The following ANK3 variants were observed in gnomAD, a reference collection of about 807,000 sequenced individuals.
ANK3 encodes the protein ankyrin 3, also known as ankyrin-3.
A neutral mutation model predicts 370.9 loss-of-function variants in ANK3; 57 were observed. That is an observed-to-expected ratio of 0.15 (90% confidence interval 0.12 to 0.19). The LOEUF (loss-of-function observed/expected upper bound fraction) is 0.19. Among genes scored for constraint, ANK3 ranks in the 10% least tolerant of loss-of-function variants. ANK3 has a pLI of 1.00. For synonymous variants in ANK3, 1,929 were observed against 1,946.3 expected (o/e 0.99, Z 0.23); for missense variants, 4,439 against 5,302.1 (o/e 0.84, Z 5.06).
chr10:60,428,103 G>A (rs1367591830), intron 2 of ANK3, among the ~76,000 whole-genome samples: 2 of 152,092 alleles, frequency 1.3e-5, no homozygotes, highest in East Asian at 1.9e-4. Context: ...AATTCTGAAA[G>A]GTTAATTAAA....
intron 10 of ANK3, 107 bp downstream of exon 10, chr10:60,207,929 A>G (rs1186801797): frequency 2.5e-5 from 25 of 987,964 alleles, no homozygotes; most frequent in Non-Finnish European, 3.9e-5. Flanking sequence ...AGTACACTTT[A>G]ACTAGCACCT....
chr10:60,312,232 C>T (rs1239281075), intron 1 of ANK3, among the ~76,000 whole-genome samples: 4 of 151,982 alleles, frequency 2.6e-5, no homozygotes, highest in Admixed American at 6.6e-5. Context: ...GAGAAGAAAA[C>T]CAACAATTAC....
intron 18 of ANK3, among the ~76,000 whole-genome samples, chr10:60,175,677 C>T (rs1419614113): frequency 6.6e-6 from 1 of 152,218 alleles, no homozygotes; most frequent in Non-Finnish European, 1.5e-5. Context: ...TAGATGTTTA[C>T]ATCCATTCAC....
chr10:60,489,319 G>C (rs1178610535), intron 2 of ANK3, among the ~76,000 whole-genome samples: 2 of 152,094 alleles, frequency 1.3e-5, no homozygotes, highest in African/African-American at 4.8e-5. Context: ...CAGGAGCCAA[G>C]ACTAATACAC....
intron 2 of ANK3, among the ~76,000 whole-genome samples, chr10:60,477,129 T>C (rs897553713): frequency 2.0e-5 from 3 of 152,130 alleles, no homozygotes; most frequent in Non-Finnish European, 2.9e-5. Context: ...TTATTTTAAT[T>C]TCAAGAAGTG....
chr10:60,142,459 A>G (rs1022097248), intron 23 of ANK3, among the ~76,000 whole-genome samples: 2 of 152,098 alleles, frequency 1.3e-5, no homozygotes, highest in Non-Finnish European at 2.9e-5. Flanking sequence ...GGCCAGGTAT[A>G]TTGGAAGTTC....
chr10:60,311,494 A>G (rs998955303), intron 1 of ANK3, among the ~76,000 whole-genome samples: 233 of 143,092 alleles, frequency 1.6e-3, no homozygotes, highest in Non-Finnish European at 1.8e-3. Flanking sequence ...AAAAAAAAAA[A>G]AGAGAGAGAG....
intron 1 of ANK3, among the ~76,000 whole-genome samples, chr10:60,347,330 A>C (rs1594233954): frequency 6.6e-6 from 1 of 151,888 alleles, no homozygotes; most frequent in Admixed American, 6.6e-5. Flanking sequence ...TGAAAAGGTT[A>C]ATTTCATCAC....
intron 1 of ANK3, among the ~76,000 whole-genome samples, chr10:60,688,723 C>T (rs957569731): frequency 9.2e-5 from 14 of 151,984 alleles, no homozygotes; most frequent in East Asian, 7.8e-4. Flanking sequence ...CCGAGGCGGG[C>T]GGATCACGAG....
chr10:60,452,250 TTGGCTATTCA>T (rs2064626074), intron 2 of ANK3, among the ~76,000 whole-genome samples: 1 of 152,230 alleles, frequency 6.6e-6, no homozygotes, highest in Non-Finnish European at 1.5e-5. Context: ...GAACTGTTTC[TTGGCTATTCA>T]TGCTGCCAGG....
intron 2 of ANK3, among the ~76,000 whole-genome samples, chr10:60,498,203 C>T (rs554609141): frequency 5.3e-4 from 81 of 152,274 alleles, no homozygotes; most frequent in African/African-American, 1.2e-3. Context: ...TTCACATTCT[C>T]TTGATCTTTT....
chr10:60,099,523 C>T (rs190642560), intron 28 of ANK3, among the ~76,000 whole-genome samples: 9 of 152,232 alleles, frequency 5.9e-5, no homozygotes, highest in South Asian at 4.2e-4. Context: ...AAGTAGGGGA[C>T]GTCTGGCCAC....
At position 60,678,934 on chromosome 10, in the gene ANK3, G is replaced by A. The variant is rs548996769; in HGVS notation, c.57+54329C>T. On this transcript the variant is annotated intron_variant, in intron 1 of 43. Coordinates refer to the ANK3 transcript ENST00000373827. ...AGATTGGGTTTTAAAGGGTTGAATG[G>A]CTGATCACAGAAAACAGGTTGAACT... is the stretch of plus-strand genomic sequence containing the variant. 5.9e-5 allele frequency among the ~76,000 whole-genome samples: 9 copies of A among 152,306 alleles called. No individual in the cohort carries two copies. In the South Asian group the frequency reaches 1.7e-3, roughly 28 times the overall value.
At chr10:60,206,531 A>G (rs1215592370) in intron 10 of ANK3, among the ~76,000 whole-genome samples, 1 of 152,054 alleles carries the variant, frequency 6.6e-6, no homozygotes, top group Admixed American at 6.6e-5. Context: ...TACAGACTGA[A>G]AACGTCTGGC....
intron 1 of ANK3, among the ~76,000 whole-genome samples, chr10:60,675,323 G>C (rs981869621): frequency 6.6e-6 from 1 of 152,110 alleles, no homozygotes. Context: ...AAGGATTCAG[G>C]GTTTGAGGTC....
intron 1 of ANK3, among the ~76,000 whole-genome samples, chr10:60,623,354 T>G (rs1201097198): frequency 1.3e-5 from 2 of 152,092 alleles, no homozygotes; most frequent in Non-Finnish European, 2.9e-5. Flanking sequence ...TTTAAGCAAT[T>G]AAGCTTTTTT....
chr10:60,436,844 G>A (rs1006519482), intron 2 of ANK3, among the ~76,000 whole-genome samples: 1 of 152,164 alleles, frequency 6.6e-6, no homozygotes, highest in Non-Finnish European at 1.5e-5. Flanking sequence ...GTTGCACACG[G>A]TGTCACATCA....
At chr10:60,468,816 T>C (rs571275178) in intron 2 of ANK3, among the ~76,000 whole-genome samples, 2 of 151,614 alleles carry the variant, frequency 1.3e-5, no homozygotes, top group Non-Finnish European at 2.9e-5. Context: ...TTGCACACCA[T>C]GCATTAATAA....
At chr10:60,395,772 C>T (rs1268036082) in intron 2 of ANK3, among the ~76,000 whole-genome samples, 4 of 151,994 alleles carry the variant, frequency 2.6e-5, no homozygotes, top group Non-Finnish European at 5.9e-5. Context: ...TGTTCAGCAC[C>T]AGGGACATAT....
Sources: gnomAD v4.1 joint callset for allele counts (sites outside exome capture counted in the v4.1 genomes callset) on GRCh38, gnomAD v4.1.1 for gene constraint, MANE v1.5 for transcripts, NCBI Gene and HGNC (gene_info 2026-07-23, HGNC 2026-07-21) for gene names.